Variants in ATXN1 observed in about 807,000 individuals in gnomAD.
ATXN1 encodes the protein ataxin-1.
Under a neutral mutation model 56.4 loss-of-function variants are expected in ATXN1, and 8 were observed. The ratio of observed to expected loss-of-function variants is 0.14; its 90% CI spans 0.08 to 0.26. The LOEUF (loss-of-function observed/expected upper bound fraction) is 0.26, where lower values mean the gene tolerates loss of function less well. Ranked by LOEUF, ATXN1 falls within the 10% of genes least tolerant of loss-of-function variation. The probability of loss-of-function intolerance (pLI) is 1.00; values close to 1 mark genes in which losing one functional copy is unlikely to be tolerated. For missense variants in ATXN1, 987 were observed against 1,106.5 expected (o/e 0.89, Z 1.53); for synonymous variants, 514 against 494.6 (o/e 1.04, Z -0.52).
At chr6:16,572,933 G>A (rs953000425) in intron 4 of ATXN1, among the ~76,000 whole-genome samples, 3 of 152,182 alleles carry the variant, frequency 2.0e-5, no homozygotes, top group Non-Finnish European at 4.4e-5. Context: ...TAAGTAGAAT[G>A]GTGATTTAAC....
intron 6 of ATXN1, among the ~76,000 whole-genome samples, chr6:16,372,184 C>T (rs1050842275): frequency 6.6e-5 from 10 of 152,128 alleles, no homozygotes; most frequent in African/African-American, 2.4e-4. Context: ...TCAGTAAATG[C>T]CAAGAAGGAG....
intron 6 of ATXN1, among the ~76,000 whole-genome samples, chr6:16,380,596 A>G (rs1172067868): frequency 2.6e-5 from 4 of 152,044 alleles, no homozygotes; most frequent in Admixed American, 2.0e-4. Context: ...AAGTGGGTGT[A>G]GAAGCCTGTC....
Position 16,300,027 on chromosome 6 carries a change from A to G in ATXN1, c.*6302T>C, listed in dbSNP as rs1021661607. 1 of 152,640 alleles carries G rather than the reference A, an allele frequency of 6.6e-6. No individual in the cohort carries two copies. Among genetic ancestry groups the G allele is most frequent in the Non-Finnish European group, 1.5e-5 (1 of 68,032 alleles). The allele number at this position is 152,640 out of a possible 1,614,324, so 9.5% of individuals were successfully genotyped here. The stretch of plus-strand genomic sequence containing the variant: ...CAACAGCTTGAGCTAGTGTCACCTA[A>G]TACTTGGTATTCTGGAGGACAGTAT... On this transcript the variant is annotated 3_prime_UTR_variant, in exon 8 of 8. Transcript: ENST00000436367.
At chr6:16,432,719 T>A (rs1356590312) in intron 6 of ATXN1, 1 of 152,038 alleles carries the variant, frequency 6.6e-6, no homozygotes, top group Non-Finnish European at 1.5e-5. Context: ...TCTTCTTTTT[T>A]TTTTTTGCAA....
At chr6:16,347,464 T>C (rs536247738) in intron 6 of ATXN1, among the ~76,000 whole-genome samples, 64 of 152,208 alleles carry the variant, frequency 4.2e-4, no homozygotes, top group Non-Finnish European at 8.5e-4. Context: ...CTAGCTACTC[T>C]GGTGGGGACT....
At chr6:16,523,167 G>C (rs1761326718) in intron 4 of ATXN1, among the ~76,000 whole-genome samples, 1 of 152,136 alleles carries the variant, frequency 6.6e-6, no homozygotes, top group Non-Finnish European at 1.5e-5. Flanking sequence ...CTCCCAAAGT[G>C]TTGGGATTAC....
intron 1 of ATXN1, chr6:16,761,065 T>TACACACAC (rs3831007): frequency 9.1e-4 from 296 of 324,088 alleles, no homozygotes; most frequent in Non-Finnish European, 1.6e-3. Context: ...TGTACACACA[T>TACACACAC]ACACACACAC....
intron 6 of ATXN1, among the ~76,000 whole-genome samples, chr6:16,402,574 T>C (rs1251968421): frequency 6.6e-6 from 1 of 152,186 alleles, no homozygotes; most frequent in Non-Finnish European, 1.5e-5. Flanking sequence ...TCTTTCCCAC[T>C]GCTTAGCACC....
chr6:16,433,309 T>C (rs1303984113), intron 6 of ATXN1, among the ~76,000 whole-genome samples: 1 of 152,204 alleles, frequency 6.6e-6, no homozygotes, highest in East Asian at 1.9e-4. Context: ...GATCCACACC[T>C]TCTGAATACT....
In ATXN1 at chr6:16,479,878, G is replaced by A. The variant is rs115384603; in HGVS notation, c.-161+6094C>T. On this transcript the variant is annotated intron_variant, in intron 6 of 7. Transcript: ENST00000436367. Reference sequence around the variant, plus strand: ...TATAAAGATCCAAAATGTGCCAGGCGTAGTGGCTGATGCCTATAATCCCAG... The same window carrying A: ...TATAAAGATCCAAAATGTGCCAGGCATAGTGGCTGATGCCTATAATCCCAG... Among the ~76,000 whole-genome samples the A allele has an allele frequency of 6.1e-3, 930 of 152,178 alleles. 2 individuals carry two copies. The highest frequency in any genetic ancestry group is 0.014 in the Middle Eastern group (4 of 294).
intron 6 of ATXN1, among the ~76,000 whole-genome samples, chr6:16,409,304 A>G (rs1758750109): frequency 2.6e-5 from 4 of 152,050 alleles, no homozygotes. Context: ...CTAAAAAAAA[A>G]AAACCACAGT....
chr6:16,508,099 T>C (rs1761013727), intron 5 of ATXN1, among the ~76,000 whole-genome samples: 1 of 152,092 alleles, frequency 6.6e-6, no homozygotes, highest in Non-Finnish European at 1.5e-5. Flanking sequence ...TCTCAACAAA[T>C]GTAACCAACG....
chr6:16,360,447 T>G (rs1264177455), intron 6 of ATXN1, among the ~76,000 whole-genome samples: 1 of 152,246 alleles, frequency 6.6e-6, no homozygotes, highest in Non-Finnish European at 1.5e-5. Flanking sequence ...GAATAACATA[T>G]TCAGCATTTG....
At chr6:16,409,846 T>C (rs2113549367) in intron 6 of ATXN1, among the ~76,000 whole-genome samples, 1 of 152,168 alleles carries the variant, frequency 6.6e-6, no homozygotes, top group East Asian at 1.9e-4. Context: ...CTAGAGAAGT[T>C]CCACAAAACT....
At chr6:16,357,263 T>A (rs1326315838) in intron 6 of ATXN1, among the ~76,000 whole-genome samples, 1 of 147,576 alleles carries the variant, frequency 6.8e-6, no homozygotes, top group Admixed American at 6.6e-5. Flanking sequence ...TTTTATTTAT[T>A]TTATTTTATT....
At chr6:16,638,736 T>G (rs553020425) in intron 3 of ATXN1, among the ~76,000 whole-genome samples, 1 of 152,234 alleles carries the variant, frequency 6.6e-6, no homozygotes, top group Non-Finnish European at 1.5e-5. Context: ...TTACAAATTA[T>G]GTTGTCGAGC....
At chr6:16,592,461 A>C (rs1467226031) in intron 3 of ATXN1, among the ~76,000 whole-genome samples, 1 of 152,188 alleles carries the variant, frequency 6.6e-6, no homozygotes, top group Non-Finnish European at 1.5e-5. Context: ...GGTGGGCACC[A>C]AAAGAACAGG....
Position 16,443,984 on chromosome 6 carries a change from C to T in ATXN1, c.-161+41988G>A, listed in dbSNP as rs145805579. On this transcript the variant is annotated intron_variant, in intron 6 of 7. Coordinates refer to ENST00000436367, the MANE Select transcript of ATXN1 (RefSeq NM_001128164.2). ...AGAAAAGATTAGCCAGGCGTGGTGG[C>T]GGGCGCCTGTAGTCCCAGCTACTCG... 9.0e-3 allele frequency among the ~76,000 whole-genome samples: 1,370 copies of T among 152,036 alleles called. 10 individuals are homozygous for T. Among genetic ancestry groups the T allele is most frequent in the Non-Finnish European group, 0.013 (907 of 67,956 alleles).
intron 6 of ATXN1, among the ~76,000 whole-genome samples, chr6:16,371,644 G>T (rs998771940): frequency 6.6e-6 from 1 of 152,136 alleles, no homozygotes; most frequent in Non-Finnish European, 1.5e-5. Flanking sequence ...GTCTCAAACT[G>T]CTGGCTCAAG....
Sources: gnomAD v4.1 joint callset for allele counts (sites outside exome capture counted in the v4.1 genomes callset) on GRCh38, gnomAD v4.1.1 for gene constraint, MANE v1.5 for transcripts, NCBI Gene and HGNC (gene_info 2026-07-23, HGNC 2026-07-21) for gene names.